Variants in SPAG16 observed in about 807,000 individuals in gnomAD.
The protein encoded by SPAG16 is sperm associated antigen 16, also known as sperm-associated antigen 16 protein.
Under a neutral mutation model 80.4 loss-of-function variants are expected in SPAG16, and 86 were observed. The observed-to-expected ratio is 1.07, with a 90% CI of 0.90 to 1.28. SPAG16 has a LOEUF of 1.28. Among genes scored for constraint, SPAG16 ranks in the 50% most tolerant of loss-of-function variants. SPAG16 has a pLI of 0.00. For missense variants in SPAG16, 870 were observed against 765.3 expected, an observed-to-expected ratio of 1.14 and a Z score of -1.61; for synonymous variants, 294 against 265.9, an observed-to-expected ratio of 1.11 and a Z score of -1.03.
At chr2:214,172,775 T>A (rs1283057495) in intron 15 of SPAG16, among the ~76,000 whole-genome samples, 2 of 152,108 alleles carry the variant, frequency 1.3e-5, no homozygotes, top group Non-Finnish European at 2.9e-5. Context: ...GTTTCCTGAC[T>A]TTTTAATGAT....
At chr2:213,541,153 A>G (rs561770981) in intron 10 of SPAG16, among the ~76,000 whole-genome samples, 2 of 152,324 alleles carry the variant, frequency 1.3e-5, no homozygotes, top group South Asian at 4.1e-4. Context: ...CGAAAGGCTG[A>G]GAATGGGGGC....
At chr2:214,181,347 G>A (rs1446333193) in intron 15 of SPAG16, among the ~76,000 whole-genome samples, 1 of 151,756 alleles carries the variant, frequency 6.6e-6, no homozygotes, top group Non-Finnish European at 1.5e-5. Flanking sequence ...CTTGGCTAAA[G>A]GAATGGTACA....
chr2:213,431,538 A>G (rs1392669580), intron 9 of SPAG16, among the ~76,000 whole-genome samples: 1 of 152,110 alleles, frequency 6.6e-6, no homozygotes, highest in Non-Finnish European at 1.5e-5. Flanking sequence ...TAAAGGGATT[A>G]ATTCAATAAG....
At chr2:214,151,983 G>A (rs1470242620) in intron 15 of SPAG16, among the ~76,000 whole-genome samples, 3 of 152,104 alleles carry the variant, frequency 2.0e-5, no homozygotes, top group African/African-American at 4.8e-5. Context: ...TAATTTAAGG[G>A]TGTCTCAAGG....
intron 10 of SPAG16, among the ~76,000 whole-genome samples, chr2:213,651,164 A>G (rs984441320): frequency 3.3e-5 from 5 of 152,138 alleles, no homozygotes; most frequent in Non-Finnish European, 7.4e-5. Context: ...ACACACACAA[A>G]CACACACAAC....
At chr2:214,022,225 T>TA (rs2047908717) in intron 13 of SPAG16, among the ~76,000 whole-genome samples, 4 of 152,158 alleles carry the variant, frequency 2.6e-5, no homozygotes, top group Admixed American at 2.6e-4. Context: ...TACAAGAAGA[T>TA]ATGCTTGAAA....
intron 10 of SPAG16, among the ~76,000 whole-genome samples, chr2:213,738,387 G>A (rs536599776): frequency 2.4e-4 from 36 of 152,244 alleles, no homozygotes; most frequent in Non-Finnish European, 4.6e-4. Flanking sequence ...AGAAGATAGA[G>A]CATATGAGAG....
chr2:213,693,051 T>A (rs1359771056), intron 10 of SPAG16, among the ~76,000 whole-genome samples: 1 of 152,224 alleles, frequency 6.6e-6, no homozygotes, highest in Non-Finnish European at 1.5e-5. Context: ...GACTTCTAAT[T>A]CATATGCCAA....
intron 15 of SPAG16, among the ~76,000 whole-genome samples, chr2:214,352,147 C>G (rs563363882): frequency 2.3e-4 from 35 of 152,248 alleles, no homozygotes; most frequent in African/African-American, 8.2e-4. Context: ...CCTATCACCT[C>G]CCAAAGGTCC....
At chr2:214,176,054 A>G (rs897715304) in intron 15 of SPAG16, among the ~76,000 whole-genome samples, 42 of 151,508 alleles carry the variant, frequency 2.8e-4, no homozygotes, top group Admixed American at 1.1e-3. Context: ...CCAAGGAGCT[A>G]TTATAATATA....
intron 9 of SPAG16, among the ~76,000 whole-genome samples, chr2:213,438,356 T>G (rs1395404856): frequency 1.3e-5 from 2 of 152,216 alleles, no homozygotes; most frequent in African/African-American, 4.8e-5. Context: ...CATGCCTGGT[T>G]CATGTGTTCA....
At chr2:213,774,780 C>G (rs1391917487) in intron 10 of SPAG16, among the ~76,000 whole-genome samples, 1 of 152,202 alleles carries the variant, frequency 6.6e-6, no homozygotes, top group Non-Finnish European at 1.5e-5. Context: ...AGTAGTGTGG[C>G]AGGCTGACTC....
At chr2:213,649,286 T>A (rs1195415057) in intron 10 of SPAG16, among the ~76,000 whole-genome samples, 2 of 152,226 alleles carry the variant, frequency 1.3e-5, no homozygotes, top group African/African-American at 4.8e-5. Flanking sequence ...TTTATGATCA[T>A]CTTTATGTAA....
chr2:213,691,992 G>T (rs958715795), intron 10 of SPAG16, among the ~76,000 whole-genome samples: 1 of 152,010 alleles, frequency 6.6e-6, no homozygotes. Flanking sequence ...CATTCCCAAA[G>T]CCAAAATGAT....
chr2:213,786,576 A>C (rs2070356810), intron 10 of SPAG16, among the ~76,000 whole-genome samples: 1 of 152,196 alleles, frequency 6.6e-6, no homozygotes, highest in Non-Finnish European at 1.5e-5. Flanking sequence ...AACTATTACC[A>C]TGTAATTTAA....
intron 10 of SPAG16, among the ~76,000 whole-genome samples, chr2:213,765,019 G>A (rs1005369450): frequency 6.6e-6 from 1 of 151,940 alleles, no homozygotes; most frequent in African/African-American, 2.4e-5. Context: ...TTCCACTTCC[G>A]GCCACTGAAT....
chr2:213,590,981 A>C (rs2060669229), intron 10 of SPAG16, among the ~76,000 whole-genome samples: 1 of 152,222 alleles, frequency 6.6e-6, no homozygotes, highest in South Asian at 2.1e-4. Flanking sequence ...AAAAGAGAAC[A>C]AAACCTTTAC....
intron 11 of SPAG16, among the ~76,000 whole-genome samples, chr2:213,862,963 C>G (rs940117609): frequency 6.6e-6 from 1 of 152,114 alleles, no homozygotes; most frequent in African/African-American, 2.4e-5. Flanking sequence ...CCAGAATTTA[C>G]CTTTGTTAAT....
At chr2:213,621,866 C>T (rs2061799163) in intron 10 of SPAG16, among the ~76,000 whole-genome samples, 1 of 152,148 alleles carries the variant, frequency 6.6e-6, no homozygotes, top group Non-Finnish European at 1.5e-5. Context: ...AGCTCCCAAA[C>T]CCTAACCTTC....
Sources: allele counts gnomAD v4.1 joint callset (sites outside exome capture counted in the v4.1 genomes callset), GRCh38; gene constraint gnomAD v4.1.1; transcripts MANE v1.5; gene names NCBI Gene and HGNC (gene_info 2026-07-23, HGNC 2026-07-21).